The following SLC44A1 variants were observed in gnomAD, a reference collection of about 807,000 sequenced individuals.
SLC44A1 encodes the protein solute carrier family 44 member 1, also known as choline transporter-like protein 1.
Under a neutral mutation model 79.3 loss-of-function variants are expected in SLC44A1, and 26 were observed. The observed-to-expected ratio is 0.33, with a 90% confidence interval of 0.24 to 0.46. The LOEUF is 0.46. SLC44A1 is among the 20% of genes least tolerant of loss of function. The pLI, the probability that SLC44A1 is intolerant of heterozygous loss-of-function variation, is 1.00. For synonymous variants in SLC44A1, 263 were observed against 286.2 expected (o/e 0.92, Z 0.82); for missense variants, 688 against 798.1 (o/e 0.86, Z 1.66).
At chr9:105,278,817 T>C (rs560980275) in intron 1 of SLC44A1, among the ~76,000 whole-genome samples, 2 of 152,356 alleles carry the variant, frequency 1.3e-5, no homozygotes, top group African/African-American at 2.4e-5. Context: ...AGCTTTTTTT[T>C]CCGCCTTTAA....
intron 3 of SLC44A1, among the ~76,000 whole-genome samples, chr9:105,319,502 A>G (rs1826318604): frequency 6.6e-6 from 1 of 152,146 alleles, no homozygotes; most frequent in Non-Finnish European, 1.5e-5. Flanking sequence ...TTGGGACTCC[A>G]TTATATGGCT....
downstream of SLC44A1, among the ~76,000 whole-genome samples, chr9:105,400,899 A>G (rs79343186): frequency 5.9e-3 from 901 of 152,312 alleles, 10 homozygotes; most frequent in African/African-American, 0.02. Context: ...CATTGTTTTT[A>G]TCAATATACG....
At chr9:105,306,160 T>A (rs1831025472) in intron 2 of SLC44A1, among the ~76,000 whole-genome samples, 1 of 152,196 alleles carries the variant, frequency 6.6e-6, no homozygotes, top group Non-Finnish European at 1.5e-5. Flanking sequence ...TAGCCGTGGT[T>A]TTCTTCCTTG....
Position 105,389,405 on chromosome 9 carries a change from A to C in SLC44A1, c.*349A>C. On this transcript the variant is annotated 3_prime_UTR_variant, in exon 16 of 16. Coordinates refer to ENST00000374720, the MANE Select transcript of SLC44A1 (RefSeq NM_080546.5). ...TAGAGGAGATTTTAACTTTATTTAA[A>C]AATAGGTAAAATTATTGTACCTAAT... 1 of 1,043,262 alleles carries C rather than the reference A, an allele frequency of 9.6e-7. No individual in the cohort carries two copies. The highest frequency in any genetic ancestry group is 1.2e-6 in the Non-Finnish European group (1 of 865,244). 64.6% of individuals were successfully genotyped at this position (1,043,262 alleles called of 1,614,324 possible).
At chr9:105,320,333 C>T (rs1390688286) in intron 3 of SLC44A1, among the ~76,000 whole-genome samples, 2 of 127,552 alleles carry the variant, frequency 1.6e-5, no homozygotes, top group Non-Finnish European at 3.2e-5. Context: ...AGTAATACTG[C>T]TTTAACAATT....
At chr9:105,252,315 G>T (rs1829607371) in intron 1 of SLC44A1, among the ~76,000 whole-genome samples, 1 of 151,582 alleles carries the variant, frequency 6.6e-6, no homozygotes, top group Admixed American at 6.6e-5. Context: ...CCATCTTGGT[G>T]CTTAGCTGGT....
At chr9:105,352,210 A>G (rs1564453432) in intron 5 of SLC44A1, among the ~76,000 whole-genome samples, 1 of 152,232 alleles carries the variant, frequency 6.6e-6, no homozygotes, top group Non-Finnish European at 1.5e-5. Flanking sequence ...TGTACTATAG[A>G]GATATTGCCA....
At chr9:105,427,867 C>T (rs563051715) in intron 15 of SLC44A1, among the ~76,000 whole-genome samples, 1 of 152,124 alleles carries the variant, frequency 6.6e-6, no homozygotes, top group African/African-American at 2.4e-5. Context: ...TTAATAATAA[C>T]GGCAAAAGAT....
In SLC44A1 at chr9:105,356,207, A is replaced by G. The variant is rs1827617622; in HGVS notation, c.501-5A>G. The stretch of plus-strand genomic sequence containing the variant: ...TTTTCTGATTTTTTTTTCTTGTGTC[A>G]CCAGTGCACCTATTCCATTCTTCCA... On this transcript the variant is annotated splice_region_variant and splice_polypyrimidine_tract_variant and intron_variant, in intron 5 of 15. Transcript: ENST00000374720. 6.2e-7 allele frequency: 1 copy of G among 1,604,166 alleles called. No homozygotes were observed. Among genetic ancestry groups the G allele is most frequent in the Non-Finnish European group, 8.5e-7 (1 of 1,177,192 alleles).
In SLC44A1 at chr9:105,395,618, C is replaced by G; in HGVS notation, c.*6562C>G. On this transcript the variant is annotated 3_prime_UTR_variant, in exon 16 of 16. Coordinates refer to ENST00000374720, the MANE Select transcript of SLC44A1 (RefSeq NM_080546.5). ...AAGGGCGTAAGTCCAGTCTAAGTAT[C>G]TAAATGTGATATGCCCTTTTGTCAC... 1.0e-6 allele frequency: 1 copy of G among 985,264 alleles called. No individual in the cohort carries two copies. The highest frequency in any genetic ancestry group is 1.2e-6 in the Non-Finnish European group (1 of 829,808). The allele number at this position is 985,264 out of a possible 1,614,324, so 61.0% of individuals were successfully genotyped here.
At chr9:105,437,255 A>G (rs1338113285) in intron 15 of SLC44A1, among the ~76,000 whole-genome samples, 2 of 152,176 alleles carry the variant, frequency 1.3e-5, no homozygotes, top group Non-Finnish European at 2.9e-5. Flanking sequence ...TTCTCTCTCT[A>G]TATCTATCTA....
chr9:105,266,687 G>A (rs1005359121), intron 1 of SLC44A1, among the ~76,000 whole-genome samples: 1 of 152,120 alleles, frequency 6.6e-6, no homozygotes, highest in African/African-American at 2.4e-5. Flanking sequence ...TACTAGTACT[G>A]TATGGTCTTA....
intron 15 of SLC44A1, among the ~76,000 whole-genome samples, chr9:105,435,371 G>A (rs1290143110): frequency 6.6e-6 from 1 of 152,198 alleles, no homozygotes; most frequent in Non-Finnish European, 1.5e-5. Flanking sequence ...TCCGAGAAAG[G>A]AGTCAGCAAA....
chr9:105,342,975 TAAA>T (rs534467462), intron 4 of SLC44A1, among the ~76,000 whole-genome samples: 6,826 of 141,006 alleles, frequency 0.048, 210 homozygotes, highest in South Asian at 0.11. Context: ...TCCTTGTCTC[TAAA>T]AAAAAAAAAA....
intron 1 of SLC44A1, among the ~76,000 whole-genome samples, chr9:105,253,835 C>T (rs1829642637): frequency 6.6e-6 from 1 of 152,124 alleles, no homozygotes; most frequent in South Asian, 2.1e-4. Flanking sequence ...AGCGATTCTC[C>T]TGCCTCAGCC....
At chr9:105,263,738 T>C (rs975276782) in intron 1 of SLC44A1, among the ~76,000 whole-genome samples, 2 of 152,094 alleles carry the variant, frequency 1.3e-5, no homozygotes, top group African/African-American at 2.4e-5. Context: ...GGTTTCACTA[T>C]GTTGGCCAGG....
intron 1 of SLC44A1, among the ~76,000 whole-genome samples, chr9:105,290,441 C>G (rs974957590): frequency 6.6e-6 from 1 of 152,184 alleles, no homozygotes; most frequent in Non-Finnish European, 1.5e-5. Context: ...TTGCTTACCA[C>G]TGATTCAGGA....
At chr9:105,245,558 C>T (rs192405258) in intron 1 of SLC44A1, among the ~76,000 whole-genome samples, 6 of 152,342 alleles carry the variant, frequency 3.9e-5, no homozygotes, top group South Asian at 2.1e-4. Context: ...CCGCGGCCTC[C>T]CCGCACTCGG....
chr9:105,264,671 G>C (rs1829918500), intron 1 of SLC44A1, among the ~76,000 whole-genome samples: 1 of 152,156 alleles, frequency 6.6e-6, no homozygotes, highest in Non-Finnish European at 1.5e-5. Context: ...AGATACCTTA[G>C]ATATTCTTTC....
Sources: gnomAD v4.1 joint callset for allele counts (sites outside exome capture counted in the v4.1 genomes callset) on GRCh38, gnomAD v4.1.1 for gene constraint, MANE v1.5 for transcripts, NCBI Gene and HGNC (gene_info 2026-07-23, HGNC 2026-07-21) for gene names.